Variants in CFDP1 observed in about 807,000 individuals in gnomAD.
The protein encoded by CFDP1 is heterochromatin-stabilizing protein CFDP1.
CFDP1 carries 31 observed loss-of-function variants against 40.1 expected under a neutral mutation model. That is an observed-to-expected ratio of 0.77 (90% CI 0.58 to 1.04). The LOEUF (loss-of-function observed/expected upper bound fraction) is 1.04. CFDP1 is among the 50% of genes least tolerant of loss of function. CFDP1 has a pLI of 0.00. For synonymous variants in CFDP1, 167 were observed against 120.0 expected, an observed-to-expected ratio of 1.39 and a Z score of -2.56; for missense variants, 423 against 343.4, an observed-to-expected ratio of 1.23 and a Z score of -1.83.
At chr16:75,339,660 C>T (rs557965031) in intron 5 of CFDP1, among the ~76,000 whole-genome samples, 3 of 152,322 alleles carry the variant, frequency 2.0e-5, no homozygotes, top group African/African-American at 7.2e-5. Context: ...CAGCCTTCTG[C>T]CCTTTAGGAA....
rs143995156 is a variant in CFDP1, at chr16:75,367,207, T to C, written c.650+27883A>G. ...AAAATTACTACAAATTATTAAACTA[T>C]ACATTTGTATTTGGATGAATTTTAT... On this transcript the variant is annotated intron_variant, in intron 5 of 6. Transcript: ENST00000283882. Among the ~76,000 whole-genome samples the C allele has an allele frequency of 6.4e-3, 950 of 149,180 alleles. 7 individuals are homozygous for C. The highest frequency in any genetic ancestry group is 0.018 in the Middle Eastern group (5 of 282).
intron 5 of CFDP1, among the ~76,000 whole-genome samples, chr16:75,332,950 G>C (rs982117215): frequency 2.0e-5 from 3 of 150,586 alleles, no homozygotes; most frequent in African/African-American, 7.3e-5. Flanking sequence ...TAGGATTACA[G>C]GGCCCTGCCA....
chr16:75,374,098 C>G (rs2078773667), intron 5 of CFDP1, among the ~76,000 whole-genome samples: 1 of 151,906 alleles, frequency 6.6e-6, no homozygotes, highest in Non-Finnish European at 1.5e-5. Context: ...ACTAAAAATA[C>G]AAACATCAGC....
chr16:75,433,206 C>T (rs1176128624), intron 1 of CFDP1, 83 bp downstream of exon 1: 2 of 1,369,706 alleles, frequency 1.5e-6, no homozygotes, highest in Non-Finnish European at 2.0e-6. Context: ...GGCCACAGGG[C>T]AGACGCCCGC....
chr16:75,357,533 T>G (rs2078652873), intron 5 of CFDP1, among the ~76,000 whole-genome samples: 1 of 152,160 alleles, frequency 6.6e-6, no homozygotes, highest in Non-Finnish European at 1.5e-5. Context: ...AGATTACAGG[T>G]GTAAGCTCCT....
chr16:75,328,018 C>T (rs551319656), intron 5 of CFDP1, among the ~76,000 whole-genome samples: 1 of 151,244 alleles, frequency 6.6e-6, no homozygotes, highest in Admixed American at 6.6e-5. Context: ...GCGTATGCCA[C>T]AGCACCCGGC....
At chr16:75,387,980 C>A (rs1301297862) in intron 5 of CFDP1, among the ~76,000 whole-genome samples, 1 of 152,204 alleles carries the variant, frequency 6.6e-6, no homozygotes, top group Non-Finnish European at 1.5e-5. Flanking sequence ...AAGAGTCCCA[C>A]ATCAGTTATG....
intron 1 of CFDP1, among the ~76,000 whole-genome samples, chr16:75,423,621 TCTC>T (rs1455151900): frequency 6.6e-6 from 1 of 152,010 alleles, no homozygotes; most frequent in Non-Finnish European, 1.5e-5. Context: ...TTCACGCCAT[TCTC>T]CTGCTTCAGC....
At chr16:75,361,077 T>C (rs2078676536) in intron 5 of CFDP1, among the ~76,000 whole-genome samples, 11 of 152,156 alleles carry the variant, frequency 7.2e-5, no homozygotes, top group Admixed American at 5.9e-4. Flanking sequence ...TGGCGTGATC[T>C]TGGCTTACTA....
chr16:75,397,297 T>G (rs571409523), intron 4 of CFDP1, among the ~76,000 whole-genome samples: 24 of 149,382 alleles, frequency 1.6e-4, no homozygotes, highest in African/African-American at 5.2e-4. Context: ...GGCAGATCAT[T>G]TGAGGTCAGG....
At chr16:75,331,042 C>T (rs8053632) in intron 5 of CFDP1, among the ~76,000 whole-genome samples, 122,813 of 151,420 alleles carry the variant, frequency 0.81, 50,052 homozygotes, top group Middle Eastern at 0.9. Context: ...ACTTATTTCA[C>T]AGCTATTCAG....
intron 1 of CFDP1, among the ~76,000 whole-genome samples, chr16:75,428,848 G>A (rs1187645777): frequency 1.3e-5 from 2 of 152,076 alleles, no homozygotes; most frequent in Admixed American, 6.5e-5. Context: ...CAGGCGTAGA[G>A]GCTCACGCCT....
At chr16:75,350,748 C>T (rs1567653838) in intron 5 of CFDP1, among the ~76,000 whole-genome samples, 2 of 151,502 alleles carry the variant, frequency 1.3e-5, no homozygotes, top group South Asian at 2.1e-4. Context: ...ACTTTGCATC[C>T]GAAAACAAAA....
At chr16:75,310,532 T>A in intron 5 of CFDP1, among the ~76,000 whole-genome samples, 1 of 152,216 alleles carries the variant, frequency 6.6e-6, no homozygotes, top group East Asian at 1.9e-4. Context: ...GCAAAAGAAA[T>A]GTAATTTTAA....
At chr16:75,295,018 G>C (rs545098658) in intron 6 of CFDP1, among the ~76,000 whole-genome samples, 1 of 152,194 alleles carries the variant, frequency 6.6e-6, no homozygotes, top group Non-Finnish European at 1.5e-5. Flanking sequence ...TTAATCTATG[G>C]AGAGAGCAAA....
intron 4 of CFDP1, among the ~76,000 whole-genome samples, chr16:75,398,473 G>C (rs2079017335): frequency 6.6e-6 from 1 of 152,156 alleles, no homozygotes; most frequent in Non-Finnish European, 1.5e-5. Context: ...GAGTTCTGTG[G>C]AAGTGGCACA....
chr16:75,419,434 A>G (rs927774337), intron 1 of CFDP1, among the ~76,000 whole-genome samples: 1 of 152,236 alleles, frequency 6.6e-6, no homozygotes, highest in Non-Finnish European at 1.5e-5. Context: ...GAACCACAGA[A>G]TTAGAAAGAC....
chr16:75,362,619 G>A (rs1200295569), intron 5 of CFDP1, among the ~76,000 whole-genome samples: 2 of 152,046 alleles, frequency 1.3e-5, no homozygotes, highest in East Asian at 3.9e-4. Context: ...GTAAGTTAAG[G>A]TACCCTCGAG....
At chr16:75,382,691 C>A (rs1167968009) in intron 5 of CFDP1, among the ~76,000 whole-genome samples, 2 of 152,210 alleles carry the variant, frequency 1.3e-5, no homozygotes, top group South Asian at 4.1e-4. Context: ...AACTTTTCCT[C>A]CAAGTTTTGC....
Sources: gnomAD v4.1 joint callset for allele counts (sites outside exome capture counted in the v4.1 genomes callset) on GRCh38, gnomAD v4.1.1 for gene constraint, MANE v1.5 for transcripts, NCBI Gene and HGNC (gene_info 2026-07-23, HGNC 2026-07-21) for gene names.